Variants in PAK5 observed in about 807,000 individuals in gnomAD.
PAK5 encodes serine/threonine-protein kinase PAK 5.
PAK5 carries 16 observed loss-of-function variants against 65.9 expected under a neutral mutation model. The observed-to-expected ratio is 0.24, with a 90% CI of 0.16 to 0.37. The LOEUF (loss-of-function observed/expected upper bound fraction) is 0.37. PAK5 is among the 10% of genes least tolerant of loss of function. The probability of loss-of-function intolerance (pLI) is 1.00; values close to 1 mark genes in which losing one functional copy is unlikely to be tolerated. For missense variants in PAK5, 785 were observed against 903.9 expected (o/e 0.87, Z 1.69); for synonymous variants, 371 against 354.9 (o/e 1.05, Z -0.51).
At chr20:9,714,234 A>T (rs2048113972) in intron 1 of PAK5, among the ~76,000 whole-genome samples, 1 of 152,128 alleles carries the variant, frequency 6.6e-6, no homozygotes, top group African/African-American at 2.4e-5. Context: ...GTTCAAAGAA[A>T]ATTTCCCTGA....
rs531758036 is a variant in PAK5 at position 9,611,072 on chromosome 20, A to T, written c.205-30142T>A. Among the ~76,000 whole-genome samples the T allele has an allele frequency of 2.0e-5, 3 of 152,228 alleles. 1 individual carries two copies. Among genetic ancestry groups the T allele is most frequent in the Admixed American group, 2.0e-4 (3 of 15,296 alleles). The stretch of plus-strand genomic sequence containing the variant: ...CCAGAACTGCGAGAAATAAATTTTT[A>T]TTGTTGGTAAATTTTCCATTCCCTG... On this transcript the variant is annotated intron_variant, in intron 3 of 9. Transcript: ENST00000353224.
intron 2 of PAK5, among the ~76,000 whole-genome samples, chr20:9,678,495 A>G (rs1324892610): frequency 2.6e-5 from 4 of 152,238 alleles, no homozygotes; most frequent in African/African-American, 9.6e-5. Context: ...TGAACCCAGG[A>G]GGTGGAGCTT....
At chr20:9,576,100 A>G (rs1411515579) in intron 4 of PAK5, among the ~76,000 whole-genome samples, 1 of 152,160 alleles carries the variant, frequency 6.6e-6, no homozygotes, top group African/African-American at 2.4e-5. Context: ...TGATGTGTAG[A>G]TTACTCATAT....
intron 2 of PAK5, among the ~76,000 whole-genome samples, chr20:9,692,238 A>T (rs1015173152): frequency 2.6e-5 from 4 of 152,232 alleles, no homozygotes; most frequent in African/African-American, 9.6e-5. Flanking sequence ...CATTAACACC[A>T]AGAAATATTA....
chr20:9,812,804 A>T (rs2049313156), intron 1 of PAK5, among the ~76,000 whole-genome samples: 1 of 152,146 alleles, frequency 6.6e-6, no homozygotes, highest in African/African-American at 2.4e-5. Flanking sequence ...AAATTACTAG[A>T]AGAGTGAAAT....
At position 9,580,882 on chromosome 20, in the gene PAK5, G is replaced by A; in HGVS notation, c.253C>T (p.Leu85=). The A allele has an allele frequency of 1.2e-6, 2 of 1,609,328 alleles. No homozygotes were observed. The highest frequency in any genetic ancestry group is 2.2e-5 in the South Asian group (2 of 90,854). Residue 85 remains leucine, a synonymous_variant, in exon 4 of 10, where the codon CTG becomes TTG. Transcript: ENST00000353224. ...KPCKETSING[L]LEDFDNISVT... The stretch of plus-strand genomic sequence containing the variant: ...GAGATGTTGTCAAAATCCTCTAGCA[G>A]GCCGTTGATGGAGGTTTCCTTGCAG...
chr20:9,670,036 C>A (rs2047474488), intron 2 of PAK5, among the ~76,000 whole-genome samples: 1 of 152,108 alleles, frequency 6.6e-6, no homozygotes, highest in South Asian at 2.1e-4. Context: ...GTTTTTTGTC[C>A]TTGAGATAGT....
intron 1 of PAK5, among the ~76,000 whole-genome samples, chr20:9,802,254 G>A (rs951933642): frequency 6.6e-6 from 1 of 152,096 alleles, no homozygotes; most frequent in African/African-American, 2.4e-5. Context: ...AGGGCATATG[G>A]CTTAGGCATC....
At chr20:9,550,594 T>C (rs1209712782) in intron 7 of PAK5, among the ~76,000 whole-genome samples, 1 of 152,176 alleles carries the variant, frequency 6.6e-6, no homozygotes, top group East Asian at 1.9e-4. Context: ...TTGACTTTGA[T>C]AGACAATGTT....
chr20:9,544,512 G>A lies in PAK5; in HGVS notation c.1744-18C>T, dbSNP rs768892740. On this transcript the variant is annotated intron_variant, in intron 7 of 9. Transcript: ENST00000353224. ...AACTTTATCTGAAAAGGAAAGGAAT[G>A]CAACAAACTAGCAATTTTAAAACAA... 1 of 1,611,640 alleles carries A rather than the reference G, an allele frequency of 6.2e-7. No individual in the cohort carries two copies. Among genetic ancestry groups the A allele is most frequent in the Admixed American group, 1.7e-5 (1 of 59,978 alleles).
chr20:9,686,536 T>A (rs2047721729), intron 2 of PAK5, among the ~76,000 whole-genome samples: 1 of 152,104 alleles, frequency 6.6e-6, no homozygotes, highest in Non-Finnish European at 1.5e-5. Context: ...GGATTACAGG[T>A]GTGCGCCCCT....
intron 3 of PAK5, among the ~76,000 whole-genome samples, chr20:9,603,555 A>G (rs1165449672): frequency 6.6e-6 from 1 of 152,002 alleles, no homozygotes; most frequent in Admixed American, 6.6e-5. Flanking sequence ...GTCTTTCCAT[A>G]TTGTTCTTCT....
intron 4 of PAK5, among the ~76,000 whole-genome samples, chr20:9,575,066 C>T (rs2122986591): frequency 6.6e-6 from 1 of 152,276 alleles, no homozygotes; most frequent in South Asian, 2.1e-4. Context: ...GAAGACTGGG[C>T]CCACTGGTTC....
At chr20:9,661,889 G>T (rs1472429325) in intron 2 of PAK5, among the ~76,000 whole-genome samples, 1 of 152,102 alleles carries the variant, frequency 6.6e-6, no homozygotes, top group Admixed American at 6.6e-5. Context: ...ACAAAAGGTA[G>T]CACAGTGAAA....
chr20:9,677,083 G>T (rs1161516905), intron 2 of PAK5, among the ~76,000 whole-genome samples: 2 of 85,202 alleles, frequency 2.3e-5, no homozygotes, highest in South Asian at 3.9e-4. Context: ...GTGTGTGTGT[G>T]TGTGTTTGTT....
chr20:9,568,601 G>A (rs1390381049), intron 4 of PAK5, among the ~76,000 whole-genome samples: 1 of 152,156 alleles, frequency 6.6e-6, no homozygotes, highest in Non-Finnish European at 1.5e-5. Flanking sequence ...AGAGATGATG[G>A]CAAGTTCCTT....
chr20:9,659,767 C>T (rs895593758), intron 2 of PAK5, among the ~76,000 whole-genome samples: 1 of 152,186 alleles, frequency 6.6e-6, no homozygotes, highest in Non-Finnish European at 1.5e-5. Context: ...TTTTAAACCA[C>T]TAGAATCTGT....
intron 3 of PAK5, among the ~76,000 whole-genome samples, chr20:9,628,825 T>G (rs377007068): frequency 3.2e-4 from 48 of 152,294 alleles, no homozygotes; most frequent in Non-Finnish European, 5.1e-4. Flanking sequence ...TGTTGGGGAA[T>G]GCATGGCCAA....
At chr20:9,691,114 C>T (rs1187219074) in intron 2 of PAK5, among the ~76,000 whole-genome samples, 1 of 152,156 alleles carries the variant, frequency 6.6e-6, no homozygotes, top group Non-Finnish European at 1.5e-5. Context: ...AAGCCAAGGG[C>T]ATATAGGCAG....
Sources: gnomAD v4.1 joint callset for allele counts (sites outside exome capture counted in the v4.1 genomes callset) on GRCh38, gnomAD v4.1.1 for gene constraint, MANE v1.5 for transcripts, NCBI Gene and HGNC (gene_info 2026-07-23, HGNC 2026-07-21) for gene names.